Variants in FAT3 observed in about 807,000 individuals in gnomAD.
FAT3 encodes FAT atypical cadherin 3.
In FAT3, 95 loss-of-function variants were observed where a neutral mutation model predicts 310.2. The observed-to-expected ratio is 0.31, with a 90% CI of 0.26 to 0.36. FAT3 has a LOEUF of 0.36. Among genes scored for constraint, FAT3 ranks in the 10% least tolerant of loss-of-function variants. The probability of loss-of-function intolerance (pLI) is 1.00; values close to 1 mark genes in which losing one functional copy is unlikely to be tolerated. For synonymous variants in FAT3, 2,314 were observed against 2,192.9 expected (o/e 1.06, Z -1.54); for missense variants, 5,408 against 5,715.6 (o/e 0.95, Z 1.74).
At chr11:92,786,890 C>A (rs917426040) in intron 7 of FAT3, among the ~76,000 whole-genome samples, 5 of 152,188 alleles carry the variant, frequency 3.3e-5, no homozygotes, top group African/African-American at 1.2e-4. Context: ...ACTGATTCAT[C>A]TACTCACTGG....
intron 22 of FAT3, among the ~76,000 whole-genome samples, chr11:92,880,281 T>C (rs1026200682): frequency 1.0e-4 from 15 of 148,666 alleles, no homozygotes; most frequent in African/African-American, 3.3e-4. Context: ...ATTCCCTCTC[T>C]GGGTGGGATT....
At chr11:92,476,909 T>A (rs758424980) in intron 2 of FAT3, among the ~76,000 whole-genome samples, 5 of 152,358 alleles carry the variant, frequency 3.3e-5, no homozygotes, top group South Asian at 2.1e-4. Context: ...CTTGCATATT[T>A]GTTCTTCCAC....
chr11:92,490,515 A>G (rs1252802018), intron 2 of FAT3, among the ~76,000 whole-genome samples: 2 of 152,078 alleles, frequency 1.3e-5, no homozygotes, highest in Admixed American at 6.6e-5. Context: ...AGGATTTTGT[A>G]TGCTGTAAAG....
At chr11:92,483,366 C>T (rs1317587114) in intron 2 of FAT3, among the ~76,000 whole-genome samples, 3 of 151,498 alleles carry the variant, frequency 2.0e-5, no homozygotes, top group Non-Finnish European at 4.4e-5. Flanking sequence ...GGCAGAGTCT[C>T]GCTCTGTCTC....
At chr11:92,728,773 A>C in intron 4 of FAT3, among the ~76,000 whole-genome samples, 1 of 152,070 alleles carries the variant, frequency 6.6e-6, no homozygotes, top group East Asian at 1.9e-4. Context: ...AGCTGGCAGC[A>C]TCCCTGACTT....
At chr11:92,639,392 A>G (rs1011739737) in intron 3 of FAT3, among the ~76,000 whole-genome samples, 2 of 152,176 alleles carry the variant, frequency 1.3e-5, no homozygotes, top group African/African-American at 4.8e-5. Flanking sequence ...GCCTCTCTCC[A>G]TAGTTCAGGG....
chr11:92,626,508 C>A (rs1941343739), intron 3 of FAT3, among the ~76,000 whole-genome samples: 1 of 149,690 alleles, frequency 6.7e-6, no homozygotes, highest in African/African-American at 2.5e-5. Context: ...AACCTTGATG[C>A]TTTTCTTAGT....
intron 1 of FAT3, among the ~76,000 whole-genome samples, chr11:92,300,948 A>G (rs1433466466): frequency 6.6e-6 from 1 of 152,138 alleles, no homozygotes; most frequent in African/African-American, 2.4e-5. Context: ...CCTTGAAGAT[A>G]ATGGCAGCAG....
At chr11:92,741,241 A>G (rs1273194268) in intron 4 of FAT3, among the ~76,000 whole-genome samples, 1 of 152,158 alleles carries the variant, frequency 6.6e-6, no homozygotes, top group Non-Finnish European at 1.5e-5. Context: ...AAGTCTCACC[A>G]TGTTCCCCGA....
intron 3 of FAT3, among the ~76,000 whole-genome samples, chr11:92,616,203 G>C (rs1404628858): frequency 6.6e-6 from 1 of 152,174 alleles, no homozygotes; most frequent in Non-Finnish European, 1.5e-5. Flanking sequence ...AGCTCTTCTT[G>C]TTGAATTGAT....
chr11:92,346,684 C>A (rs1023327126), intron 1 of FAT3, among the ~76,000 whole-genome samples: 2 of 152,006 alleles, frequency 1.3e-5, no homozygotes, highest in Admixed American at 6.6e-5. Flanking sequence ...TCTTATACTC[C>A]CCATTTTAAA....
intron 12 of FAT3, among the ~76,000 whole-genome samples, chr11:92,809,055 G>C (rs1189101818): frequency 6.6e-6 from 1 of 152,054 alleles, no homozygotes; most frequent in South Asian, 2.1e-4. Flanking sequence ...CATTTATTCA[G>C]GTTTGTCACT....
intron 2 of FAT3, among the ~76,000 whole-genome samples, chr11:92,480,284 A>G (rs1308302732): frequency 1.3e-5 from 2 of 152,012 alleles, no homozygotes; most frequent in African/African-American, 4.8e-5. Context: ...AACAAAACAA[A>G]ACAGTGCCAA....
intron 1 of FAT3, among the ~76,000 whole-genome samples, chr11:92,225,662 A>AGGCGC (rs1340558208): frequency 1.3e-5 from 2 of 152,014 alleles, no homozygotes; most frequent in African/African-American, 4.8e-5. Flanking sequence ...TCGCTAGGCG[A>AGGCGC]GGCGCGGCGC....
intron 22 of FAT3, among the ~76,000 whole-genome samples, chr11:92,869,278 G>T (rs1011915621): frequency 6.6e-6 from 1 of 152,174 alleles, no homozygotes; most frequent in South Asian, 2.1e-4. Context: ...CCGCACCAAG[G>T]CTACTCCCAA....
intron 22 of FAT3, among the ~76,000 whole-genome samples, chr11:92,872,072 C>T (rs955776204): frequency 5.9e-5 from 9 of 152,174 alleles, no homozygotes; most frequent in African/African-American, 2.2e-4. Context: ...GCCACTCCCT[C>T]TAGGCAATTG....
At chr11:92,243,748 G>A (rs972100330) in intron 1 of FAT3, among the ~76,000 whole-genome samples, 2 of 152,108 alleles carry the variant, frequency 1.3e-5, no homozygotes, top group Middle Eastern at 3.4e-3. Flanking sequence ...TTGGTTTGTG[G>A]TCTGGAGTTT....
At chr11:92,622,732 C>T (rs142856016) in intron 3 of FAT3, among the ~76,000 whole-genome samples, 2 of 152,142 alleles carry the variant, frequency 1.3e-5, no homozygotes, top group Non-Finnish European at 2.9e-5. Context: ...TTCAATTGCA[C>T]GGTCACAGAG....
intron 3 of FAT3, among the ~76,000 whole-genome samples, chr11:92,576,243 C>A (rs1203457380): frequency 6.6e-6 from 1 of 152,062 alleles, no homozygotes; most frequent in Non-Finnish European, 1.5e-5. Flanking sequence ...TGATTAGGGG[C>A]CTTCCCAAAG....
Sources: allele counts gnomAD v4.1 joint callset (sites outside exome capture counted in the v4.1 genomes callset), GRCh38; gene constraint gnomAD v4.1.1; transcripts MANE v1.5; gene names NCBI Gene and HGNC (gene_info 2026-07-23, HGNC 2026-07-21).